BBS4: variants seen among roughly 807,000 people sequenced by gnomAD.
BBS4 encodes BBSome complex member BBS4.
A neutral mutation model predicts 71.4 loss-of-function variants in BBS4; 58 were observed. The observed-to-expected ratio is 0.81, with a 90% CI of 0.66 to 1.01. The LOEUF (loss-of-function observed/expected upper bound fraction) is 1.01, where lower values mean the gene tolerates loss of function less well. Ranked by LOEUF, BBS4 falls within the 50% of genes least tolerant of loss-of-function variation. The pLI is 0.00. For missense variants in BBS4, 660 were observed against 607.9 expected (o/e 1.09, Z -0.90); for synonymous variants, 228 against 216.8 (o/e 1.05, Z -0.46).
chr15:72,717,089 T>C (rs1258002659), intron 6 of BBS4: 2 of 528,968 alleles, frequency 3.8e-6, no homozygotes, highest in Non-Finnish European at 6.8e-6. Flanking sequence ...AGTCTGATTC[T>C]TGTTGATGAC....
chr15:72,707,623 G>A (rs535916348), intron 2 of BBS4, among the ~76,000 whole-genome samples: 5 of 152,226 alleles, frequency 3.3e-5, no homozygotes, highest in South Asian at 4.1e-4. Context: ...TGAGAAATAG[G>A]CATTAAAGAG....
At chr15:72,702,282 G>A (rs928899306) in intron 2 of BBS4, among the ~76,000 whole-genome samples, 1 of 152,150 alleles carries the variant, frequency 6.6e-6, no homozygotes, top group Non-Finnish European at 1.5e-5. Context: ...CTGGGTTATA[G>A]TCCTGCCTCT....
rs1014855984 is a variant in BBS4, at chr15:72,686,510, A to G, written c.24+259A>G. On this transcript the variant is annotated intron_variant, in intron 1 of 15. Coordinates refer to ENST00000268057, the MANE Select transcript of BBS4 (RefSeq NM_033028.5). The stretch of plus-strand genomic sequence containing the variant: ...GCTGGACGGAGAAGGGAGACTTTTC[A>G]CCAGTAATGGCTCTTACCGTAGTGC... 1.4e-5 allele frequency: 21 copies of G among 1,514,076 alleles called. No individual in the cohort carries two copies. In the African/African-American group the frequency reaches 2.6e-4, roughly 19 times the overall value. 93.8% of individuals were successfully genotyped at this position (1,514,076 alleles called of 1,614,324 possible).
rs772548770 is a variant in BBS4, at chr15:72,735,179, A to G, written c.1103A>G (p.Asp368Gly). ...KRAYAEAVHL[D>G]KCNPLVNLNY... The stretch of plus-strand genomic sequence containing the variant: ...GCCTACGCAGAAGCAGTCCACCTGG[A>G]TAAGTATGCACTTTGTTGAGAATGG... The change falls in exon 13 of 16, where the codon GAT becomes GGT. Residue 368 changes from aspartate to glycine, a missense_variant. Transcript: ENST00000268057. The G allele has an allele frequency of 3.7e-6, 6 of 1,613,036 alleles. No individual in the cohort carries two copies. The highest frequency in any genetic ancestry group is 2.7e-5 in the African/African-American group (2 of 75,050).
rs1307094685 is a variant in BBS4 at position 72,686,241 on chromosome 15, G to C, written c.14G>C (p.Arg5Thr). Residue 5 changes from arginine to threonine, a missense_variant, in exon 1 of 16, where the codon AGA (arginine) becomes ACA (threonine). Arg to Thr is a moderately conservative substitution (Grantham distance 71, BLOSUM62 -1). Coordinates refer to ENST00000268057, the MANE Select transcript of BBS4 (RefSeq NM_033028.5). MAEE[R>T]VATRTQFPVS... ...GGCTGAGCTAAAATGGCTGAGGAGA[G>C]AGTCGCGACGGTGAGCGCCGAGATT... The C allele has an allele frequency of 6.4e-7, 1 of 1,565,974 alleles. No individual in the cohort carries two copies. The highest frequency in any genetic ancestry group is 1.4e-5 in the African/African-American group (1 of 73,914).
chr15:72,698,059 T>C (rs2065108099), intron 2 of BBS4: 1 of 455,790 alleles, frequency 2.2e-6, no homozygotes, highest in South Asian at 1.5e-5. Context: ...GATTTACTGC[T>C]TGAGTCTATT....
At chr15:72,702,906 C>G (rs1339890218) in intron 2 of BBS4, among the ~76,000 whole-genome samples, 1 of 146,928 alleles carries the variant, frequency 6.8e-6, no homozygotes, top group East Asian at 2.0e-4. Flanking sequence ...CTTCCGGGTT[C>G]ACGCCATTCT....
At chr15:72,721,733 G>A (rs997555481) in intron 6 of BBS4, among the ~76,000 whole-genome samples, 21 of 152,274 alleles carry the variant, frequency 1.4e-4, no homozygotes, top group South Asian at 2.1e-4. Flanking sequence ...GAGCCTGGGG[G>A]TCCATGTTTC....
chr15:72,686,427 A>G (rs751717141), intron 1 of BBS4, 176 bp downstream of exon 1: 6 of 1,533,972 alleles, frequency 3.9e-6, no homozygotes, highest in South Asian at 1.2e-5. Flanking sequence ...GCCTGGGGCA[A>G]GTCTGGATAC....
At chr15:72,707,435 T>C (rs944382184) in intron 2 of BBS4, among the ~76,000 whole-genome samples, 55 of 152,208 alleles carry the variant, frequency 3.6e-4, no homozygotes, top group African/African-American at 1.3e-3. Context: ...CTCCTCGGTC[T>C]CCCAAAGTGC....
intron 6 of BBS4, among the ~76,000 whole-genome samples, chr15:72,718,798 G>T (rs2065512428): frequency 6.6e-6 from 1 of 152,170 alleles, no homozygotes; most frequent in African/African-American, 2.4e-5. Context: ...GAAGAGCAAG[G>T]TTTGGAAGAA....
At chr15:72,700,697 G>C (rs1192657399) in intron 2 of BBS4, among the ~76,000 whole-genome samples, 1 of 151,550 alleles carries the variant, frequency 6.6e-6, no homozygotes, top group Non-Finnish European at 1.5e-5. Context: ...TTATATATGT[G>C]GTAAGTATTT....
chr15:72,715,159 A>T, intron 4 of BBS4, 132 bp from the exon 5 acceptor site: 2 of 695,938 alleles, frequency 2.9e-6, no homozygotes, highest in Non-Finnish European at 2.5e-6. Flanking sequence ...TGATTGTTTT[A>T]AGGATACAGT....
At chr15:72,726,320 C>T (rs956003484) in intron 8 of BBS4, among the ~76,000 whole-genome samples, 25 of 152,054 alleles carry the variant, frequency 1.6e-4, no homozygotes, top group Admixed American at 5.2e-4. Flanking sequence ...CCATGTTGGT[C>T]AGGCTGGTCT....
rs371241518 is a variant in BBS4 at position 72,731,542 on chromosome 15, T to C, written c.865-13T>C. 3.1e-6 allele frequency: 5 copies of C among 1,614,232 alleles called. No individual in the cohort carries two copies. Among genetic ancestry groups the C allele is most frequent in the Non-Finnish European group, 4.2e-6 (5 of 1,180,044 alleles). On this transcript the variant is annotated splice_polypyrimidine_tract_variant and intron_variant, in intron 11 of 15. Transcript: ENST00000268057. ...GCTTGCCCTTCTCATTGAGTGCCCC[T>C]TCTCTCTCATAGGCCATCAGCTGCC...
Position 72,724,785 on chromosome 15 carries a change from GT to G in BBS4, c.587+133del, listed in dbSNP as rs143891324. ...TGTATGAGTTAAAGGTTAAGCTGAAGTTTAAGAGCTCCCAGTAGCTTCAATA... is the reference window on the plus strand; with the variant it reads ...TGTATGAGTTAAAGGTTAAGCTGAAGTTAAGAGCTCCCAGTAGCTTCAATA... On this transcript the variant is annotated intron_variant, in intron 8 of 15. Transcript: ENST00000268057. The G allele has an allele frequency of 1.5e-3, 1,843 of 1,219,846 alleles. 23 individuals carry two copies. In the African/African-American group the frequency reaches 0.025, roughly 16 times the overall value. 75.6% of individuals were successfully genotyped at this position (1,219,846 alleles called of 1,614,324 possible).
chr15:72,726,350 G>GA (rs1380524646), intron 8 of BBS4, among the ~76,000 whole-genome samples: 1 of 152,096 alleles, frequency 6.6e-6, no homozygotes, highest in Non-Finnish European at 1.5e-5. Context: ...GGCCTCAAGT[G>GA]ATCTGCTTGC....
intron 1 of BBS4, among the ~76,000 whole-genome samples, chr15:72,689,468 C>T (rs1338692130): frequency 6.6e-6 from 1 of 152,204 alleles, no homozygotes; most frequent in African/African-American, 2.4e-5. Flanking sequence ...CTTGGTGGCT[C>T]ATGCCTGTAA....
chr15:72,727,865 G>A (rs1458299060), intron 8 of BBS4, 75 bp from the exon 9 acceptor site: 2 of 1,101,234 alleles, frequency 1.8e-6, no homozygotes, highest in Non-Finnish European at 2.8e-6. Context: ...TATTGCACGA[G>A]GGCATATTAC....
Sources: allele counts gnomAD v4.1 joint callset (sites outside exome capture counted in the v4.1 genomes callset), GRCh38; gene constraint gnomAD v4.1.1; transcripts MANE v1.5; gene names NCBI Gene and HGNC (gene_info 2026-07-23, HGNC 2026-07-21).